LHCGR: variants seen among roughly 807,000 people sequenced by gnomAD.
The protein encoded by LHCGR is luteinizing hormone/choriogonadotropin receptor, also known as lutropin-choriogonadotropic hormone receptor.
A neutral mutation model predicts 60.7 loss-of-function variants in LHCGR; 55 were observed. That is an observed-to-expected ratio of 0.91 (90% CI 0.73 to 1.13). The LOEUF is 1.13. Ranked by LOEUF, LHCGR falls within the 50% of genes most tolerant of loss-of-function variation. LHCGR has a pLI of 0.00. For synonymous variants in LHCGR, 337 were observed against 316.5 expected, an observed-to-expected ratio of 1.06 and a Z score of -0.69; for missense variants, 862 against 836.0, an observed-to-expected ratio of 1.03 and a Z score of -0.38.
At chr2:48,737,165 G>C (rs1038165690) in intron 1 of LHCGR, among the ~76,000 whole-genome samples, 5 of 152,210 alleles carry the variant, frequency 3.3e-5, no homozygotes, top group African/African-American at 1.2e-4. Flanking sequence ...CAGAAGTGAA[G>C]TGTTTTTATT....
intron 8 of LHCGR, among the ~76,000 whole-genome samples, chr2:48,701,632 A>G (rs959787838): frequency 6.6e-6 from 1 of 151,818 alleles, no homozygotes; most frequent in Non-Finnish European, 1.5e-5. Context: ...CCCCAACCAA[A>G]TGAGTTTTCT....
In LHCGR at chr2:48,755,573, G is replaced by A. The variant is rs1347550585; in HGVS notation, c.99C>T (p.Pro33=). The A allele has an allele frequency of 1.3e-6, 2 of 1,539,648 alleles. No individual in the cohort carries two copies. Among genetic ancestry groups the A allele is most frequent in the Non-Finnish European group, 8.7e-7 (1 of 1,145,098 alleles). ...RALREALCPE[P]CNCVPDGALR... ...GGGCGCCGTCGGGCACGCAGTTGCA[G>A]GGCTCAGGGCAGAGCGCCTCGCGCA... is the stretch of plus-strand genomic sequence containing the variant. Residue 33 remains proline (P), a synonymous_variant, in exon 1 of 11, where the codon CCC becomes CCT. Transcript: ENST00000294954.
At position 48,688,600 on chromosome 2, in the gene LHCGR, G is replaced by C; in HGVS notation, c.1197C>G (p.Cys399Trp). ...TGCAAAAGTCTGCAAAGGAGAGATTGCACATGAGAAAACGAGGCACTGTAA... is the reference window on the plus strand; with the variant it reads ...TGCAAAAGTCTGCAAAGGAGAGATTCCACATGAGAAAACGAGGCACTGTAA... Reference protein sequence around the residue: ...YKLTVPRFLMCNLSFADFCMG... With the variant: ...YKLTVPRFLMWNLSFADFCMG... The change falls in exon 11 of 11, where the codon TGC becomes TGG. Residue 399 changes from cysteine (C) to tryptophan (W), a missense_variant. Coordinates refer to ENST00000294954, the MANE Select transcript of LHCGR (RefSeq NM_000233.4). The surrounding 1 kb of genome is among the most constrained non-coding windows in gnomAD (Gnocchi z 5.2). 1 of 1,614,164 alleles carries C rather than the reference G, an allele frequency of 6.2e-7. No individual in the cohort carries two copies.
chr2:48,704,028 C>A (rs1667538269), intron 8 of LHCGR, among the ~76,000 whole-genome samples: 1 of 152,116 alleles, frequency 6.6e-6, no homozygotes, highest in South Asian at 2.1e-4. Context: ...GTGGGTTTGT[C>A]ATAGATAGCT....
chr2:48,713,952 T>C (rs1176090513), intron 7 of LHCGR, 34 bp downstream of exon 7: 1 of 1,483,520 alleles, frequency 6.7e-7, no homozygotes. Flanking sequence ...ATTTCATTTT[T>C]ATTCCTGAGC....
chr2:48,752,529 CTT>C (rs11327396), intron 1 of LHCGR, among the ~76,000 whole-genome samples: 350 of 144,340 alleles, frequency 2.4e-3, no homozygotes, highest in South Asian at 8.0e-3. Flanking sequence ...TTTAAGCTTT[CTT>C]TTTTTTTTTT....
At chr2:48,720,407 T>G (rs547563469) in intron 6 of LHCGR, 1 of 152,350 alleles carries the variant, frequency 6.6e-6, no homozygotes, top group Non-Finnish European at 1.5e-5. Flanking sequence ...TCTCTGATTA[T>G]TTTTAGATTT....
intron 9 of LHCGR, among the ~76,000 whole-genome samples, chr2:48,698,184 T>C (rs1471347708): frequency 6.6e-6 from 1 of 152,240 alleles, no homozygotes; most frequent in East Asian, 1.9e-4. Flanking sequence ...GAAATAGTTT[T>C]GAAAACTTTC....
chr2:48,755,371 G>C (rs1169167515), intron 1 of LHCGR, 140 bp downstream of exon 1: 3 of 624,662 alleles, frequency 4.8e-6, no homozygotes, highest in Non-Finnish European at 8.3e-6. Flanking sequence ...ACCCTAAAAC[G>C]TGGGGGAAAT....
rs1670166894 is a variant in LHCGR at position 48,755,515 on chromosome 2, G to T, written c.157C>A (p.Arg53=). ...RCPGPTAGLT[R]LSLAYLPVKV... ...ACGGGAGCGCTGTGTACTCACAGTC[G>T]AGTGAGACCGGCCGTGGGGCCGGGG... is the stretch of plus-strand genomic sequence containing the variant. The change falls in exon 1 of 11, where the codon CGA becomes AGA. Residue 53 remains arginine, a synonymous_variant. Transcript: ENST00000294954. 4 of 1,539,202 alleles carry T rather than the reference G, an allele frequency of 2.6e-6. No individual in the cohort carries two copies. The highest frequency in any genetic ancestry group is 1.2e-5 in the South Asian group (1 of 83,428).
chr2:48,738,155 C>G (rs576198866), intron 1 of LHCGR, among the ~76,000 whole-genome samples: 31 of 152,318 alleles, frequency 2.0e-4, no homozygotes, highest in African/African-American at 6.5e-4. Flanking sequence ...CCCTGCTTCT[C>G]CATGAAGCTT....
chr2:48,725,490 T>C (rs1486706882), intron 4 of LHCGR, among the ~76,000 whole-genome samples, 186 bp downstream of exon 4: 1 of 152,200 alleles, frequency 6.6e-6, no homozygotes, highest in Non-Finnish European at 1.5e-5. Flanking sequence ...TACATGTATG[T>C]AAAAGCACCC....
At chr2:48,745,412 C>T (rs1211067558) in intron 1 of LHCGR, among the ~76,000 whole-genome samples, 2 of 152,064 alleles carry the variant, frequency 1.3e-5, no homozygotes, top group Non-Finnish European at 2.9e-5. Flanking sequence ...TTTATTGTGG[C>T]ATTATTCACA....
chr2:48,708,132 G>A (rs1667787707), intron 8 of LHCGR, among the ~76,000 whole-genome samples: 1 of 152,178 alleles, frequency 6.6e-6, no homozygotes, highest in Non-Finnish European at 1.5e-5. Context: ...GCTGCAGACT[G>A]GATCTGTTCC....
intron 2 of LHCGR, 130 bp from the exon 3 acceptor site, chr2:48,729,357 G>T (rs957105802): frequency 1.3e-6 from 1 of 752,284 alleles, no homozygotes; most frequent in Non-Finnish European, 2.3e-6. Flanking sequence ...GAACAAAGAT[G>T]TGCAAGTTGT....
At chr2:48,704,350 C>G (rs566081216) in intron 8 of LHCGR, among the ~76,000 whole-genome samples, 1 of 152,252 alleles carries the variant, frequency 6.6e-6, no homozygotes, top group South Asian at 2.1e-4. Context: ...TTAAAATTCC[C>G]TCTTTTTGTG....
At chr2:48,724,486 T>A (rs1402047846) in intron 4 of LHCGR, among the ~76,000 whole-genome samples, 2 of 152,154 alleles carry the variant, frequency 1.3e-5, no homozygotes, top group African/African-American at 4.8e-5. Context: ...CTCTTCTGGC[T>A]CTCTCTGGTT....
At chr2:48,702,478 G>A (rs904410966) in intron 8 of LHCGR, among the ~76,000 whole-genome samples, 4 of 151,674 alleles carry the variant, frequency 2.6e-5, no homozygotes, top group African/African-American at 7.3e-5. Context: ...TGTTCTCATT[G>A]ATCAACTCCC....
intron 4 of LHCGR, among the ~76,000 whole-genome samples, 193 bp downstream of exon 4, chr2:48,725,483 A>T (rs576752621): frequency 6.6e-6 from 1 of 152,228 alleles, no homozygotes; most frequent in African/African-American, 2.4e-5. Flanking sequence ...AACCACTTAC[A>T]TGTATGTAAA....
Sources: gnomAD v4.1 joint callset for allele counts (sites outside exome capture counted in the v4.1 genomes callset) on GRCh38, gnomAD v4.1.1 for gene constraint, Gnocchi (gnomAD v3.1) non-coding constraint, MANE v1.5 for transcripts, NCBI Gene and HGNC (gene_info 2026-07-23, HGNC 2026-07-21) for gene names.